Variants in NBAS observed in about 807,000 individuals in gnomAD.
NBAS encodes NAG/BC035112 fusion.
In NBAS, 219 loss-of-function variants were observed where a neutral mutation model predicts 302.5. That is an observed-to-expected ratio of 0.72 (90% CI 0.65 to 0.81). The LOEUF is 0.81. NBAS is among the 30% of genes least tolerant of loss of function. The pLI is 0.00. For synonymous variants in NBAS, 1,118 were observed against 1,021.6 expected (o/e 1.09, Z -1.80); for missense variants, 2,932 against 2,841.6 (o/e 1.03, Z -0.72).
Position 15,473,453 on chromosome 2 carries a change from G to T in NBAS, c.1600-106C>A. 3 of 1,415,554 alleles carry T rather than the reference G, an allele frequency of 2.1e-6. No individual in the cohort carries two copies. The South Asian group carries it at 3.7e-5, about 17-fold the overall frequency. 87.7% of individuals were successfully genotyped at this position (1,415,554 alleles called of 1,614,324 possible). On this transcript the variant is annotated intron_variant, in intron 15 of 51. Transcript: ENST00000281513. ...ATAATCCCTTGGACTTATCCAGCAT[G>T]TCACTAATTCCTGTGCACTGTGGCA...
At chr2:14,890,375 AC>A in the NBAS span, among the ~76,000 whole-genome samples, 2 of 151,770 alleles carry the variant, frequency 1.3e-5, no homozygotes, top group Admixed American at 1.3e-4. Context: ...AAATGGCCTT[AC>A]AAAAAAAATA....
At chr2:14,930,308 C>A in the NBAS span, among the ~76,000 whole-genome samples, 9 of 152,186 alleles carry the variant, frequency 5.9e-5, no homozygotes, top group African/African-American at 2.2e-4. Flanking sequence ...ATGGACCATG[C>A]TATACTCAGC....
At chr2:14,982,024 T>C in the NBAS span, among the ~76,000 whole-genome samples, 25 of 152,232 alleles carry the variant, frequency 1.6e-4, no homozygotes, top group Non-Finnish European at 2.9e-4. Flanking sequence ...AGTGGTGTTC[T>C]AGGTCTTCCA....
At chr2:15,137,593 G>A in the NBAS span, among the ~76,000 whole-genome samples, 1 of 152,058 alleles carries the variant, frequency 6.6e-6, no homozygotes, top group Non-Finnish European at 1.5e-5. Flanking sequence ...CAAGTTAATG[G>A]TACCTTCAGT....
chr2:15,213,657 T>A (rs996691519), intron 48 of NBAS, among the ~76,000 whole-genome samples: 1 of 152,186 alleles, frequency 6.6e-6, no homozygotes, highest in Admixed American at 6.5e-5. Flanking sequence ...GTGACCTCAT[T>A]TAAAACAGAG....
intron 44 of NBAS, among the ~76,000 whole-genome samples, chr2:15,261,860 T>C (rs1242711704): frequency 6.6e-6 from 1 of 152,232 alleles, no homozygotes; most frequent in East Asian, 1.9e-4. Context: ...TACATGCTTG[T>C]AGTGGTATAT....
In NBAS at chr2:15,366,486, T is replaced by C. The variant is rs1433449732; in HGVS notation, c.3817+94A>G. The C allele has an allele frequency of 4.9e-6, 6 of 1,235,008 alleles. No individual in the cohort carries two copies. In the African/African-American group the frequency reaches 7.5e-5, roughly 15 times the overall value. The allele number at this position is 1,235,008 out of a possible 1,614,324, so 76.5% of individuals were successfully genotyped here. A position where few individuals can be genotyped will look rare whatever the true frequency, so the allele number is the denominator to read the frequency against. On this transcript the variant is annotated intron_variant, in intron 32 of 51. Transcript: ENST00000281513. The stretch of plus-strand genomic sequence containing the variant: ...CTGTCTAATAAAAAAGCTGTTCTTC[T>C]GACGCTGTAAGCACATATTCTGCTA...
intron 48 of NBAS, among the ~76,000 whole-genome samples, chr2:15,217,010 T>C (rs1276746554): frequency 6.6e-6 from 1 of 152,232 alleles, no homozygotes; most frequent in African/African-American, 2.4e-5. Context: ...TAATGTGACC[T>C]AATTTAGGGT....
At chr2:15,438,375 C>T (rs1215552269) in intron 21 of NBAS, among the ~76,000 whole-genome samples, 2 of 152,138 alleles carry the variant, frequency 1.3e-5, no homozygotes, top group Non-Finnish European at 2.9e-5. Context: ...CAAACCTACA[C>T]AAAACAGACT....
chr2:15,259,993 A>G (rs1242698918), intron 44 of NBAS, among the ~76,000 whole-genome samples: 2 of 152,214 alleles, frequency 1.3e-5, no homozygotes, highest in East Asian at 3.8e-4. Context: ...GGTTTGAGGA[A>G]AAGGAAAGAT....
chr2:14,813,885 A>G, the NBAS span, among the ~76,000 whole-genome samples: 2 of 152,160 alleles, frequency 1.3e-5, no homozygotes, highest in African/African-American at 4.8e-5. Flanking sequence ...GAGGCCTAGA[A>G]GGAAAAAATT....
chr2:15,094,243 A>G, the NBAS span, among the ~76,000 whole-genome samples: 2 of 152,206 alleles, frequency 1.3e-5, no homozygotes, highest in African/African-American at 2.4e-5. Flanking sequence ...TGGAAAGAAC[A>G]TATTTCCCTC....
intron 31 of NBAS, among the ~76,000 whole-genome samples, chr2:15,372,170 T>C (rs905403018): frequency 3.3e-5 from 5 of 152,114 alleles, no homozygotes; most frequent in African/African-American, 1.2e-4. Context: ...ATTATAGAAA[T>C]AACATGTGGA....
rs186876639 is a variant in NBAS at position 15,453,935 on chromosome 2, C to T, written c.2339+7266G>A. 1.1e-4 allele frequency among the ~76,000 whole-genome samples: 17 copies of T among 152,114 alleles called. 1 individual carries two copies. In the South Asian group the frequency reaches 1.5e-3, roughly 13 times the overall value. On this transcript the variant is annotated intron_variant, in intron 21 of 51. Coordinates refer to ENST00000281513, the MANE Select transcript of NBAS (RefSeq NM_015909.4). Reference sequence around the variant, plus strand: ...TTGGGACTATAGCTGTGCGCCACCACGCCCAGCTAATTTTTGTATTTTTAG... The same window carrying T: ...TTGGGACTATAGCTGTGCGCCACCATGCCCAGCTAATTTTTGTATTTTTAG...
chr2:15,339,259 C>T (rs912197117), intron 35 of NBAS, among the ~76,000 whole-genome samples: 1 of 152,080 alleles, frequency 6.6e-6, no homozygotes, highest in Non-Finnish European at 1.5e-5. Context: ...GGCATGCCTA[C>T]TATGTTTAAG....
At chr2:15,072,607 T>C in the NBAS span, among the ~76,000 whole-genome samples, 1 of 152,216 alleles carries the variant, frequency 6.6e-6, no homozygotes, top group African/African-American at 2.4e-5. Flanking sequence ...GTTTTGTGTT[T>C]ATAGTTTTAT....
At chr2:15,162,412 G>A (rs142349756), downstream of NBAS, among the ~76,000 whole-genome samples, 19 of 152,276 alleles carry the variant, frequency 1.2e-4, no homozygotes, top group Middle Eastern at 3.4e-3. Context: ...GGAAATCTTC[G>A]TCTTGCGCCT....
chr2:15,283,036 T>C (rs1021758565), intron 42 of NBAS, among the ~76,000 whole-genome samples: 4 of 152,220 alleles, frequency 2.6e-5, no homozygotes, highest in African/African-American at 9.6e-5. Flanking sequence ...GCAGCTTTTG[T>C]GGGCGTCAGG....
chr2:14,810,533 A>G, the NBAS span, among the ~76,000 whole-genome samples: 7,770 of 152,274 alleles, frequency 0.051, 210 homozygotes, highest in Middle Eastern at 0.058. Flanking sequence ...TATAAGTCCA[A>G]TTAAATCTTT....
Sources: allele counts gnomAD v4.1 joint callset (sites outside exome capture counted in the v4.1 genomes callset), GRCh38; gene constraint gnomAD v4.1.1; transcripts MANE v1.5; gene names NCBI Gene and HGNC (gene_info 2026-07-23, HGNC 2026-07-21).